PGAP4: variants seen among roughly 807,000 people sequenced by gnomAD.
PGAP4 encodes GPI-N-acetylgalactosamine transferase PGAP4.
PGAP4 carries 12 observed loss-of-function variants against 28.2 expected under a neutral mutation model. The ratio of observed to expected loss-of-function variants is 0.42; its 90% confidence interval spans 0.27 to 0.69. The LOEUF (loss-of-function observed/expected upper bound fraction) is 0.69. Ranked by LOEUF, PGAP4 falls within the 30% of genes least tolerant of loss-of-function variation. The probability of loss-of-function intolerance (pLI) is 0.22; values close to 1 mark genes in which losing one functional copy is unlikely to be tolerated. For missense variants in PGAP4, 425 were observed against 513.5 expected, an observed-to-expected ratio of 0.83 and a Z score of 1.67; for synonymous variants, 205 against 211.8, an observed-to-expected ratio of 0.97 and a Z score of 0.28.
rs1031045733 is a variant in PGAP4, at chr9:101,476,003, T to A, written c.1090A>T (p.Met364Leu). The A allele has an allele frequency of 1.9e-6, 3 of 1,614,036 alleles. No homozygotes were observed. Among genetic ancestry groups the A allele is most frequent in the Non-Finnish European group, 8.5e-7 (1 of 1,180,032 alleles). Residue 364 changes from methionine (M) to leucine (L), a missense_variant, in exon 2 of 2, where the codon ATG (methionine) becomes TTG (leucine). By Grantham distance (15) the Met-to-Leu change is conservative. Coordinates refer to ENST00000374848, the MANE Select transcript of PGAP4 (RefSeq NM_032342.3). The surrounding 1 kb of genome is among the most constrained non-coding windows in gnomAD (Gnocchi z 7.0). ...VYCHKGFGKD[M>L]ALYSLLRAKG... is the part of the protein sequence containing the mutation. ...GCCCTCAACAGCGAGTACAGTGCCA[T>A]GTCCTTGCCAAAGCCCTTGTGGCAG... is the stretch of plus-strand genomic sequence containing the variant.
rs1413571252 is a variant in PGAP4 at position 101,486,036 on chromosome 9, C to T, written c.-78+913G>A. 6.6e-6 allele frequency among the ~76,000 whole-genome samples: 1 copy of T among 152,142 alleles called. No homozygotes were observed. Among genetic ancestry groups the T allele is most frequent in the African/African-American group, 2.4e-5 (1 of 41,442 alleles). On this transcript the variant is annotated intron_variant, in intron 1 of 1. Coordinates refer to ENST00000374848, the MANE Select transcript of PGAP4 (RefSeq NM_032342.3). This position sits in a 1 kb window ranked among gnomAD's most constrained non-coding sequence, Gnocchi z 4.7. ...ATCATCATTGGAGCCGCCCTGCGGT[C>T]CCCCGGAGAGAGCCTGGGCCGAGCA... is the stretch of plus-strand genomic sequence containing the variant.
At chr9:101,508,042 T>C (rs1340171488) in intron 2 of PGAP4, among the ~76,000 whole-genome samples, 1 of 152,112 alleles carries the variant, frequency 6.6e-6, no homozygotes. Context: ...GTCAACCACA[T>C]GACTGTAAAA....
chr9:101,481,281 G>T (rs897840208), intron 1 of PGAP4: 1 of 152,196 alleles, frequency 6.6e-6, no homozygotes, highest in East Asian at 1.9e-4. Context: ...TTTGGGGAAG[G>T]AGTTTTTTTA....
intron 2 of PGAP4, among the ~76,000 whole-genome samples, chr9:101,499,233 A>T (rs540340373): frequency 1.2e-4 from 18 of 152,144 alleles, no homozygotes; most frequent in African/African-American, 4.1e-4. Context: ...TCGAAAGGAG[A>T]GAGGCTCAGC....
At chr9:101,510,925 G>A (rs1377907690) in intron 2 of PGAP4, among the ~76,000 whole-genome samples, 1 of 152,112 alleles carries the variant, frequency 6.6e-6, no homozygotes, top group Non-Finnish European at 1.5e-5. Flanking sequence ...ATTGTCACTT[G>A]CCACTCTCTG....
rs756188298 is a variant in PGAP4 at position 101,476,400 on chromosome 9, G to T, written c.693C>A (p.Arg231=). The change falls in exon 2 of 2, where the codon CGC becomes CGA. Residue 231 remains arginine, a synonymous_variant. Coordinates refer to ENST00000374848, the MANE Select transcript of PGAP4 (RefSeq NM_032342.3). This position sits in a 1 kb window ranked among gnomAD's most constrained non-coding sequence, Gnocchi z 7.0. ...FPVLEHLLRA[R]FSEPHLRDAL... Reference sequence around the variant, plus strand: ...CATCTCTGAGATGTGGCTCAGAGAAGCGAGCCCGCAGAAGGTGCTCCAAGA... The same window carrying T: ...CATCTCTGAGATGTGGCTCAGAGAATCGAGCCCGCAGAAGGTGCTCCAAGA... The T allele has an allele frequency of 6.2e-7, 1 of 1,614,130 alleles. No individual in the cohort carries two copies. The highest frequency in any genetic ancestry group is 8.5e-7 in the Non-Finnish European group (1 of 1,180,028).
At chr9:101,489,510 A>T (rs942209651), upstream of PGAP4, among the ~76,000 whole-genome samples, 41 of 152,250 alleles carry the variant, frequency 2.7e-4, no homozygotes, top group African/African-American at 9.6e-4. Context: ...AACAGTGATT[A>T]AAACAACAAA....
chr9:101,501,737 T>C (rs1826802572), intron 2 of PGAP4: 15 of 519,184 alleles, frequency 2.9e-5, no homozygotes, highest in South Asian at 1.9e-4. Context: ...GTTCCAGGGC[T>C]CTGGGTTATT....
chr9:101,515,461 C>A (rs1483048427), intron 2 of PGAP4, among the ~76,000 whole-genome samples: 1 of 152,132 alleles, frequency 6.6e-6, no homozygotes, highest in Non-Finnish European at 1.5e-5. Flanking sequence ...AACTTGGAAT[C>A]CAGAATTTTA....
At position 101,473,714 on chromosome 9, in the gene PGAP4, T is replaced by C. The variant is rs552985811; in HGVS notation, c.*2167A>G. Reference sequence around the variant, plus strand: ...AATGTAAACCAGCAGTGCTTCCCTATCTTGGGCCTGGCTAGCTTAAAGGGG... The same window carrying C: ...AATGTAAACCAGCAGTGCTTCCCTACCTTGGGCCTGGCTAGCTTAAAGGGG... On this transcript the variant is annotated 3_prime_UTR_variant, in exon 2 of 2. Transcript: ENST00000374848. 3.3e-5 allele frequency: 5 copies of C among 152,364 alleles called. No homozygotes were observed. The highest frequency in any genetic ancestry group is 1.2e-4 in the African/African-American group (5 of 41,564). 9.4% of individuals were successfully genotyped at this position (152,364 alleles called of 1,614,324 possible).
chr9:101,528,500 T>C (rs1827055626), intron 2 of PGAP4, among the ~76,000 whole-genome samples: 1 of 152,122 alleles, frequency 6.6e-6, no homozygotes, highest in Admixed American at 6.5e-5. Context: ...AAATCTTACC[T>C]TTGTAATTAC....
chr9:101,491,797 A>C (rs1190934794), upstream of PGAP4, among the ~76,000 whole-genome samples: 1 of 141,924 alleles, frequency 7.0e-6, no homozygotes, highest in Non-Finnish European at 1.5e-5. Context: ...ATTTTTAAAG[A>C]ATGAAATCTT....
intron 2 of PGAP4, among the ~76,000 whole-genome samples, chr9:101,494,295 A>C (rs1036149651): frequency 6.6e-6 from 1 of 151,946 alleles, no homozygotes; most frequent in Non-Finnish European, 1.5e-5. Flanking sequence ...TGTAAATAAA[A>C]ATAAAAATAT....
chr9:101,476,847 C>A lies in PGAP4; in HGVS notation c.246G>T (p.Glu82Asp). 1 of 1,608,606 alleles carries A rather than the reference C, an allele frequency of 6.2e-7. No homozygotes were observed. The highest frequency in any genetic ancestry group is 8.5e-7 in the Non-Finnish European group (1 of 1,177,182). ...EGEAALHYFE[E>D]LPSANGSVPI... ...GCACTGAGCCATTGGCAGAGGGAAG[C>A]TCCTCAAAATAGTGGAGGGCAGCCT... Residue 82 changes from glutamate to aspartate, a missense_variant, in exon 2 of 2, where the codon GAG becomes GAT. By Grantham distance (45) the Glu-to-Asp change is conservative. Transcript: ENST00000374848. The surrounding 1 kb of genome is among the most constrained non-coding windows in gnomAD (Gnocchi z 7.0).
At chr9:101,519,374 G>T (rs1564102037) in intron 2 of PGAP4, among the ~76,000 whole-genome samples, 1 of 152,092 alleles carries the variant, frequency 6.6e-6, no homozygotes, top group South Asian at 2.1e-4. Flanking sequence ...GCCCAGGCTG[G>T]TCTTGAACTC....
intron 2 of PGAP4, among the ~76,000 whole-genome samples, chr9:101,517,933 A>C (rs561746456): frequency 6.6e-6 from 1 of 152,270 alleles, no homozygotes; most frequent in East Asian, 1.9e-4. Flanking sequence ...CATGTCTGTC[A>C]CATGGGAACT....
intron 2 of PGAP4, among the ~76,000 whole-genome samples, chr9:101,524,792 C>T (rs957046502): frequency 1.3e-4 from 20 of 152,224 alleles, no homozygotes; most frequent in Non-Finnish European, 5.9e-5. Flanking sequence ...TTTCTTACTT[C>T]CACAGTTGGG....
chr9:101,495,211 ATTTT>A (rs1220007169), intron 2 of PGAP4, among the ~76,000 whole-genome samples: 40 of 90,044 alleles, frequency 4.4e-4, no homozygotes, highest in African/African-American at 1.6e-3. Flanking sequence ...TATCTTATAT[ATTTT>A]ATATATATTA....
intron 2 of PGAP4, among the ~76,000 whole-genome samples, chr9:101,492,756 T>G: frequency 6.6e-6 from 1 of 152,090 alleles, no homozygotes; most frequent in East Asian, 1.9e-4. Flanking sequence ...TTCCTGTGAC[T>G]GAGTAGATTA....
Sources: gnomAD v4.1 joint callset for allele counts (sites outside exome capture counted in the v4.1 genomes callset) on GRCh38, gnomAD v4.1.1 for gene constraint, Gnocchi (gnomAD v3.1) non-coding constraint, MANE v1.5 for transcripts, NCBI Gene and HGNC (gene_info 2026-07-23, HGNC 2026-07-21) for gene names.